The following LDB2 variants were observed in gnomAD, a reference collection of about 807,000 sequenced individuals.
LDB2 encodes LIM domain binding 2.
LDB2 carries 12 observed loss-of-function variants against 44.3 expected under a neutral mutation model. That is an observed-to-expected ratio of 0.27 (90% CI 0.17 to 0.44). LDB2 has a LOEUF of 0.44. Among genes scored for constraint, LDB2 ranks in the 20% least tolerant of loss-of-function variants. The pLI is 1.00. For synonymous variants in LDB2, 164 were observed against 174.8 expected, an observed-to-expected ratio of 0.94 and a Z score of 0.49; for missense variants, 344 against 473.5, an observed-to-expected ratio of 0.73 and a Z score of 2.54.
At chr4:16,622,631 A>C (rs1054888498) in intron 2 of LDB2, among the ~76,000 whole-genome samples, 1 of 152,254 alleles carries the variant, frequency 6.6e-6, no homozygotes, top group Non-Finnish European at 1.5e-5. Flanking sequence ...AGGCAGGAGC[A>C]GATCTGGATT....
At chr4:16,778,548 C>T (rs1561200885) in intron 1 of LDB2, among the ~76,000 whole-genome samples, 1 of 152,190 alleles carries the variant, frequency 6.6e-6, no homozygotes, top group Non-Finnish European at 1.5e-5. Context: ...TGTCTTCCCC[C>T]TCAGCCTTCA....
chr4:16,560,067 G>C (rs1209377941), intron 5 of LDB2, among the ~76,000 whole-genome samples: 1 of 152,200 alleles, frequency 6.6e-6, no homozygotes, highest in Non-Finnish European at 1.5e-5. Flanking sequence ...ATTCAAAGCA[G>C]TGTGTAGAGG....
chr4:16,617,505 G>A (rs920167190), intron 2 of LDB2, among the ~76,000 whole-genome samples: 4 of 152,116 alleles, frequency 2.6e-5, no homozygotes, highest in African/African-American at 9.7e-5. Flanking sequence ...TGGAGAAATG[G>A]ACCATTCAAG....
At chr4:16,652,222 C>T (rs1738487864) in intron 2 of LDB2, among the ~76,000 whole-genome samples, 2 of 152,118 alleles carry the variant, frequency 1.3e-5, no homozygotes, top group African/African-American at 4.8e-5. Context: ...GTTATGTTTA[C>T]AGGTGTGAGC....
At chr4:16,602,008 T>G (rs553184359) in intron 2 of LDB2, among the ~76,000 whole-genome samples, 23 of 152,224 alleles carry the variant, frequency 1.5e-4, no homozygotes, top group Non-Finnish European at 2.6e-4. Flanking sequence ...GTCGAATTAA[T>G]TAATTAATTT....
At chr4:16,729,854 T>C (rs1247822589) in intron 2 of LDB2, among the ~76,000 whole-genome samples, 1 of 152,174 alleles carries the variant, frequency 6.6e-6, no homozygotes. Context: ...GATTAGGGGT[T>C]TTCTAAAATA....
At chr4:16,836,590 CT>C (rs1784917106) in intron 1 of LDB2, among the ~76,000 whole-genome samples, 1 of 152,196 alleles carries the variant, frequency 6.6e-6, no homozygotes, top group African/African-American at 2.4e-5. Context: ...AACGTCTTCT[CT>C]ACTATCAGAG....
intron 5 of LDB2, among the ~76,000 whole-genome samples, chr4:16,522,283 T>TGCGTGTGTGTGTGTGC (rs774611505): frequency 1.3e-5 from 2 of 150,478 alleles, no homozygotes; most frequent in Non-Finnish European, 2.9e-5. Flanking sequence ...TGTTTGTGTG[T>TGCGTGTGTGTGTGTGC]GTGTGTGTGT....
intron 1 of LDB2, among the ~76,000 whole-genome samples, chr4:16,760,508 A>G (rs1767660166): frequency 6.6e-6 from 1 of 152,180 alleles, no homozygotes; most frequent in Admixed American, 6.5e-5. Context: ...CTTTCTCAGT[A>G]AAACAGGGTA....
Position 16,633,226 on chromosome 4 carries a change from G to A in LDB2, c.236-37351C>T, listed in dbSNP as rs551992837. Among the ~76,000 whole-genome samples the A allele has an allele frequency of 2.8e-3, 432 of 152,186 alleles. 4 individuals carry two copies. The highest frequency in any genetic ancestry group is 0.017 in the Middle Eastern group (5 of 292). ...ACTCCATGTTCTCACTCATAGGTGGGAATTGAACAATGAGAACACTTGCAC... is the reference window on the plus strand; with the variant it reads ...ACTCCATGTTCTCACTCATAGGTGGAAATTGAACAATGAGAACACTTGCAC... On this transcript the variant is annotated intron_variant, in intron 2 of 7. Coordinates refer to ENST00000304523, the MANE Select transcript of LDB2 (RefSeq NM_001290.5).
rs942018190 is a variant in LDB2, at chr4:16,895,561, T to TGA, written c.132+2791_132+2792dup. On this transcript the variant is annotated intron_variant, in intron 1 of 7. Coordinates refer to ENST00000304523, the MANE Select transcript of LDB2 (RefSeq NM_001290.5). ...GGGTGTGTTTGTGTGTGTGTGTGTG[T>TGA]GAGAGAGATATTAGGACTTAATGAA... is the stretch of plus-strand genomic sequence containing the variant. Among the ~76,000 whole-genome samples the TGA allele has an allele frequency of 7.2e-5, 11 of 151,902 alleles. No individual in the cohort carries two copies. The East Asian group carries it at 9.7e-4, about 13-fold the overall frequency.
At chr4:16,893,486 T>C (rs1724011692) in intron 1 of LDB2, among the ~76,000 whole-genome samples, 1 of 152,054 alleles carries the variant, frequency 6.6e-6, no homozygotes, top group African/African-American at 2.4e-5. Flanking sequence ...AAAATGTAGC[T>C]GAAAGAAAAG....
At chr4:16,673,140 T>C (rs2152560207) in intron 2 of LDB2, among the ~76,000 whole-genome samples, 1 of 152,284 alleles carries the variant, frequency 6.6e-6, no homozygotes, top group African/African-American at 2.4e-5. Context: ...ATTATTGTGC[T>C]TTTTCTTTTC....
intron 1 of LDB2, among the ~76,000 whole-genome samples, chr4:16,829,638 T>C (rs1393109954): frequency 6.6e-6 from 1 of 152,190 alleles, no homozygotes; most frequent in African/African-American, 2.4e-5. Flanking sequence ...ACCGTAGTAA[T>C]ATACTAACTC....
intron 5 of LDB2, among the ~76,000 whole-genome samples, chr4:16,569,261 T>C (rs1302203385): frequency 6.6e-6 from 1 of 152,014 alleles, no homozygotes; most frequent in Non-Finnish European, 1.5e-5. Flanking sequence ...TTCTCCAGAG[T>C]TGACTTCTGC....
intron 2 of LDB2, chr4:16,741,329 T>C (rs1044551789): frequency 6.6e-6 from 1 of 152,216 alleles, no homozygotes; most frequent in Non-Finnish European, 1.5e-5. Context: ...ATATCAGATA[T>C]TGGAGATTAA....
chr4:16,808,589 G>A (rs573955652), intron 1 of LDB2, among the ~76,000 whole-genome samples: 5 of 152,178 alleles, frequency 3.3e-5, no homozygotes, highest in South Asian at 2.1e-4. Context: ...TCAAAGGAGA[G>A]ACTTGAGACA....
At chr4:16,631,286 G>A (rs13106727) in intron 2 of LDB2, among the ~76,000 whole-genome samples, 151,584 of 152,310 alleles carry the variant, frequency 1, 75,435 homozygotes, top group Middle Eastern at 1. Context: ...AAACTCACTC[G>A]AAACCACACA....
At chr4:16,698,302 T>A (rs561841289) in intron 2 of LDB2, among the ~76,000 whole-genome samples, 1 of 152,228 alleles carries the variant, frequency 6.6e-6, no homozygotes, top group Non-Finnish European at 1.5e-5. Context: ...AGAATTATTG[T>A]ATCAAAAGAA....
Sources: allele counts gnomAD v4.1 joint callset (sites outside exome capture counted in the v4.1 genomes callset), GRCh38; gene constraint gnomAD v4.1.1; transcripts MANE v1.5; gene names NCBI Gene and HGNC (gene_info 2026-07-23, HGNC 2026-07-21).